The following RSPO2 variants were observed in gnomAD, a reference collection of about 807,000 sequenced individuals.
The protein encoded by RSPO2 is R-spondin-2.
RSPO2 carries 14 observed loss-of-function variants against 30.9 expected under a neutral mutation model. That is an observed-to-expected ratio of 0.45 (90% CI 0.30 to 0.71). The LOEUF is 0.71. RSPO2 is among the 30% of genes least tolerant of loss of function. The pLI, the probability that RSPO2 is intolerant of heterozygous loss-of-function variation, is 0.08. For synonymous variants in RSPO2, 107 were observed against 96.4 expected, an observed-to-expected ratio of 1.11 and a Z score of -0.64; for missense variants, 264 against 301.9, an observed-to-expected ratio of 0.87 and a Z score of 0.93.
intron 3 of RSPO2, among the ~76,000 whole-genome samples, chr8:107,962,385 TTC>T (rs1413722044): frequency 6.6e-6 from 1 of 152,192 alleles, no homozygotes. Flanking sequence ...CTAAACAGGC[TTC>T]TTTGTATTAA....
intron 2 of RSPO2, among the ~76,000 whole-genome samples, chr8:108,061,162 AG>A (rs752054506): frequency 7.9e-5 from 12 of 151,838 alleles, no homozygotes; most frequent in Non-Finnish European, 1.3e-4. Context: ...TCATAATGAC[AG>A]GATCAAATTC....
intron 2 of RSPO2, among the ~76,000 whole-genome samples, chr8:108,050,428 T>TA (rs1040946219): frequency 6.6e-6 from 1 of 152,178 alleles, no homozygotes; most frequent in African/African-American, 2.4e-5. Flanking sequence ...GTTTACCTGT[T>TA]AAAAATAAGT....
intron 2 of RSPO2, among the ~76,000 whole-genome samples, chr8:108,075,803 C>T (rs572167687): frequency 9.2e-5 from 14 of 152,010 alleles, no homozygotes; most frequent in Admixed American, 2.6e-4. Context: ...CAGCATTTCT[C>T]ATTAAGTCAC....
At chr8:107,964,120 C>T (rs1563541633) in intron 3 of RSPO2, among the ~76,000 whole-genome samples, 1 of 152,266 alleles carries the variant, frequency 6.6e-6, no homozygotes, top group African/African-American at 2.4e-5. Context: ...GCCTCATTTG[C>T]TCTTTGCCAC....
At chr8:108,071,669 C>G (rs919247132) in intron 2 of RSPO2, among the ~76,000 whole-genome samples, 5 of 152,222 alleles carry the variant, frequency 3.3e-5, no homozygotes, top group African/African-American at 1.2e-4. Flanking sequence ...TTCTCCCCCA[C>G]TTCCTCATAT....
intron 5 of RSPO2, among the ~76,000 whole-genome samples, chr8:107,924,671 G>A (rs1812295478): frequency 6.6e-6 from 1 of 151,932 alleles, no homozygotes; most frequent in African/African-American, 2.4e-5. Context: ...CAGACAAACT[G>A]AACAGAAAAG....
At chr8:107,945,326 A>G (rs648010) in intron 5 of RSPO2, among the ~76,000 whole-genome samples, 62,158 of 142,334 alleles carry the variant, frequency 0.44, 13,882 homozygotes, top group East Asian at 0.67. Flanking sequence ...TCGGCTCACT[A>G]CAAGCTCCGC....
chr8:107,990,319 T>C (rs4735033), intron 2 of RSPO2, among the ~76,000 whole-genome samples: 14,972 of 151,982 alleles, frequency 0.099, 953 homozygotes, highest in East Asian at 0.24. Flanking sequence ...AGAGAATGAA[T>C]AAAACACACC....
chr8:107,974,512 T>C (rs1282805100), intron 3 of RSPO2, among the ~76,000 whole-genome samples: 1 of 152,072 alleles, frequency 6.6e-6, no homozygotes, highest in Non-Finnish European at 1.5e-5. Flanking sequence ...AGACCTTGTC[T>C]TAACCAAAAG....
chr8:107,916,598 AAATGT>A (rs1811991422), intron 5 of RSPO2, among the ~76,000 whole-genome samples: 1 of 152,206 alleles, frequency 6.6e-6, no homozygotes, highest in Non-Finnish European at 1.5e-5. Context: ...TTGTTAAAGG[AAATGT>A]AATTTTTTCT....
intron 2 of RSPO2, among the ~76,000 whole-genome samples, chr8:108,034,196 T>G (rs1019304673): frequency 2.6e-5 from 4 of 151,732 alleles, no homozygotes; most frequent in African/African-American, 7.3e-5. Flanking sequence ...GTTCTGGGGG[T>G]TTTTTTTCCC....
At chr8:107,991,657 G>A (rs1411084613) in intron 2 of RSPO2, among the ~76,000 whole-genome samples, 1 of 151,996 alleles carries the variant, frequency 6.6e-6, no homozygotes, top group Non-Finnish European at 1.5e-5. Flanking sequence ...ATCTGACAAA[G>A]GTCTAATATT....
At chr8:107,932,940 A>C (rs1812595961) in intron 5 of RSPO2, among the ~76,000 whole-genome samples, 2 of 152,102 alleles carry the variant, frequency 1.3e-5, no homozygotes, top group Non-Finnish European at 2.9e-5. Flanking sequence ...GATGTACTAG[A>C]AGGGGATGGG....
At chr8:107,958,769 C>T (rs1813523760) in intron 4 of RSPO2, among the ~76,000 whole-genome samples, 1 of 152,134 alleles carries the variant, frequency 6.6e-6, no homozygotes, top group African/African-American at 2.4e-5. Context: ...CATCATTCAG[C>T]TCCCACTTAT....
chr8:108,041,198 A>C (rs1811742375), intron 2 of RSPO2, among the ~76,000 whole-genome samples: 1 of 115,378 alleles, frequency 8.7e-6, no homozygotes, highest in Non-Finnish European at 1.8e-5. Flanking sequence ...TAAAACAAAA[A>C]GTGGCAAAAA....
intron 2 of RSPO2, among the ~76,000 whole-genome samples, chr8:108,046,369 T>A (rs560963121): frequency 3.3e-5 from 5 of 152,216 alleles, no homozygotes; most frequent in Admixed American, 3.3e-4. Context: ...CCATGAAACA[T>A]TTAACAAGTA....
At chr8:107,984,499 C>T (rs1438029675) in intron 3 of RSPO2, among the ~76,000 whole-genome samples, 4 of 152,166 alleles carry the variant, frequency 2.6e-5, no homozygotes, top group Non-Finnish European at 5.9e-5. Context: ...CTTTGCACTA[C>T]TCATAATGAT....
At position 107,900,710 on chromosome 8, in the gene RSPO2, C is replaced by T. The variant is rs1397611718; in HGVS notation, c.*365G>A. On this transcript the variant is annotated 3_prime_UTR_variant, in exon 6 of 6. Transcript: ENST00000276659. The stretch of plus-strand genomic sequence containing the variant: ...TGCACAATGTGAGAAATAAAGGTCA[C>T]GAGTGAGTAGCGCATTGCCTGCCAA... The T allele has an allele frequency of 1.1e-4, 19 of 180,432 alleles. No individual in the cohort carries two copies. The highest frequency in any genetic ancestry group is 2.1e-4 in the African/African-American group (9 of 42,500). The allele number at this position is 180,432 out of a possible 1,614,324, so 11.2% of individuals were successfully genotyped here.
intron 5 of RSPO2, among the ~76,000 whole-genome samples, chr8:107,921,419 T>C (rs513433): frequency 0.66 from 100,848 of 151,764 alleles, 35,520 homozygotes; most frequent in East Asian, 0.9. Context: ...GTCACATCAC[T>C]TATAAAAGTT....
Sources: allele counts gnomAD v4.1 joint callset (sites outside exome capture counted in the v4.1 genomes callset), GRCh38; gene constraint gnomAD v4.1.1; transcripts MANE v1.5; gene names NCBI Gene and HGNC (gene_info 2026-07-23, HGNC 2026-07-21).